The following MED13L variants were observed in gnomAD, a reference collection of about 807,000 sequenced individuals.
The protein encoded by MED13L is mediator complex subunit 13L.
In MED13L, 7 loss-of-function variants were observed where a neutral mutation model predicts 220.9. The ratio of observed to expected loss-of-function variants is 0.03; its 90% CI spans 0.02 to 0.06. MED13L has a LOEUF of 0.06. MED13L is among the 10% of genes least tolerant of loss of function. The pLI is 1.00. For synonymous variants in MED13L, 1,011 were observed against 1,015.2 expected, an observed-to-expected ratio of 1.00 and a Z score of 0.08; for missense variants, 1,965 against 2,760.5, an observed-to-expected ratio of 0.71 and a Z score of 6.46.
intron 4 of MED13L, among the ~76,000 whole-genome samples, chr12:116,030,526 AAAT>A (rs1393979815): frequency 5.3e-5 from 8 of 152,282 alleles, no homozygotes; most frequent in East Asian, 1.9e-4. Context: ...GGAAGGAAGA[AAAT>A]AATAACAAAA....
chr12:116,078,937 T>G (rs1871023662), intron 4 of MED13L, among the ~76,000 whole-genome samples: 1 of 152,192 alleles, frequency 6.6e-6, no homozygotes, highest in African/African-American at 2.4e-5. Context: ...TATTTCAGAA[T>G]GACATCAAGA....
At chr12:116,096,777 C>T in intron 3 of MED13L, 25 bp from the exon 4 acceptor site, 2 of 1,554,110 alleles carry the variant, frequency 1.3e-6, no homozygotes, top group Non-Finnish European at 1.8e-6. Flanking sequence ...TCAAGAATTA[C>T]TTTTATAGTA....
At chr12:115,995,152 C>G (rs920963026) in intron 16 of MED13L, among the ~76,000 whole-genome samples, 5 of 152,142 alleles carry the variant, frequency 3.3e-5, no homozygotes, top group African/African-American at 1.2e-4. Flanking sequence ...TTAAAATTAA[C>G]TTCATCAGGA....
chr12:116,018,618 T>C (rs1268561347), intron 7 of MED13L, among the ~76,000 whole-genome samples: 2 of 152,134 alleles, frequency 1.3e-5, no homozygotes, highest in Admixed American at 6.5e-5. Context: ...TACTACTCAA[T>C]AAAGAAGGCA....
At chr12:115,969,214 C>T in intron 27 of MED13L, 117 bp from the exon 28 acceptor site, 3 of 1,125,826 alleles carry the variant, frequency 2.7e-6, no homozygotes, top group South Asian at 2.7e-5. Flanking sequence ...ATTATGGACA[C>T]ACACTGTTAA....
intron 4 of MED13L, among the ~76,000 whole-genome samples, chr12:116,089,677 G>C (rs1872019238): frequency 6.6e-6 from 1 of 152,068 alleles, no homozygotes; most frequent in Non-Finnish European, 1.5e-5. Flanking sequence ...CAGATGAACT[G>C]TTTTCTCATT....
Position 116,009,094 on chromosome 12 carries a change from C to T in MED13L, c.1319G>A (p.Arg440Gln), listed in dbSNP as rs201172345. ...LLKRCAVGPN[R>Q]PPTVSQPGFS... ...CCCTGGTTGAGATACTGTGGGAGGT[C>T]GATTGGGCCCGACTGCACAACGTTT... The change falls in exon 10 of 31, where the codon CGA becomes CAA. Residue 440 changes from arginine to glutamine, a missense_variant. Arg to Gln is a conservative substitution (Grantham distance 43, BLOSUM62 1). Transcript: ENST00000281928. The T allele has an allele frequency of 2.1e-5, 34 of 1,613,716 alleles. No individual in the cohort carries two copies. The highest frequency in any genetic ancestry group is 2.2e-5 in the South Asian group (2 of 91,064).
intron 14 of MED13L, among the ~76,000 whole-genome samples, chr12:115,999,390 CAAA>C (rs1005449097): frequency 7.2e-6 from 1 of 138,828 alleles, no homozygotes; most frequent in Non-Finnish European, 1.6e-5. Context: ...GACTCTGTCT[CAAA>C]AAAAAAAAAA....
chr12:116,162,725 T>G (rs965890111), intron 2 of MED13L, among the ~76,000 whole-genome samples: 2 of 152,228 alleles, frequency 1.3e-5, no homozygotes, highest in Admixed American at 1.3e-4. Flanking sequence ...GAAAATAATA[T>G]GATCAATCTG....
intron 2 of MED13L, among the ~76,000 whole-genome samples, chr12:116,177,206 TCCCTCATGA>T (rs1351426173): frequency 6.6e-6 from 1 of 152,012 alleles, no homozygotes; most frequent in Non-Finnish European, 1.5e-5. Context: ...CTAAGTCACC[TCCCTCATGA>T]CCCCTCCCCA....
intron 4 of MED13L, among the ~76,000 whole-genome samples, chr12:116,066,799 T>C (rs1189586272): frequency 6.6e-6 from 1 of 151,528 alleles, no homozygotes; most frequent in Non-Finnish European, 1.5e-5. Flanking sequence ...GCATCAACTC[T>C]ACCGGCTACC....
In MED13L at chr12:115,980,742, A is replaced by G. The variant is rs1331324329; in HGVS notation, c.5364+8T>C. On this transcript the variant is annotated splice_region_variant and intron_variant, in intron 23 of 30. Coordinates refer to ENST00000281928, the MANE Select transcript of MED13L (RefSeq NM_015335.5). Reference sequence around the variant, plus strand: ...AATTTTCTAAGTTTCTGTCCTGCCAATACCTACCTCAGGGTTCTTGAGGGT... The same window carrying G: ...AATTTTCTAAGTTTCTGTCCTGCCAGTACCTACCTCAGGGTTCTTGAGGGT... 1 of 1,613,982 alleles carries G rather than the reference A, an allele frequency of 6.2e-7. No individual in the cohort carries two copies. The highest frequency in any genetic ancestry group is 1.3e-5 in the African/African-American group (1 of 75,040).
chr12:116,153,677 G>T (rs922279501), intron 2 of MED13L, among the ~76,000 whole-genome samples: 5 of 152,288 alleles, frequency 3.3e-5, no homozygotes, highest in Non-Finnish European at 5.9e-5. Flanking sequence ...ACACAGACTA[G>T]ACACAAATAT....
At chr12:116,010,150 G>A (rs1879305070) in intron 9 of MED13L, among the ~76,000 whole-genome samples, 1 of 152,142 alleles carries the variant, frequency 6.6e-6, no homozygotes, top group Non-Finnish European at 1.5e-5. Flanking sequence ...AGAGTGGAAG[G>A]AGTGGTCTGT....
chr12:116,197,833 T>C (rs1035145779), intron 2 of MED13L, among the ~76,000 whole-genome samples: 3 of 152,108 alleles, frequency 2.0e-5, no homozygotes, highest in Middle Eastern at 3.4e-3. Flanking sequence ...TCATGAAAAT[T>C]AGAAAGCAAC....
intron 2 of MED13L, among the ~76,000 whole-genome samples, chr12:116,131,997 C>T (rs565244442): frequency 6.6e-6 from 1 of 151,558 alleles, no homozygotes; most frequent in East Asian, 2.0e-4. Flanking sequence ...AAAAGAAAAA[C>T]GCCAGGTGCG....
intron 4 of MED13L, among the ~76,000 whole-genome samples, chr12:116,092,773 TG>T (rs11455956): frequency 2.2e-4 from 33 of 151,274 alleles, no homozygotes; most frequent in African/African-American, 6.6e-4. Flanking sequence ...ATATGTGTGG[TG>T]GGGGGGGTGT....
intron 4 of MED13L, among the ~76,000 whole-genome samples, chr12:116,049,854 A>G (rs1229946952): frequency 6.6e-6 from 1 of 152,226 alleles, no homozygotes; most frequent in Non-Finnish European, 1.5e-5. Context: ...CATAAAATCA[A>G]TTTAATAGAT....
Position 116,213,182 on chromosome 12 carries a change from T to C in MED13L, c.310+24286A>G, listed in dbSNP as rs571259554. 3.8e-3 allele frequency among the ~76,000 whole-genome samples: 549 copies of C among 145,136 alleles called. 7 individuals carry two copies. Among genetic ancestry groups the C allele is most frequent in the African/African-American group, 0.013 (515 of 40,096 alleles). ...AACCAAGGTTTCCTTCTCCACCAAT[T>C]CCCTTTCACAGGGAGGGAGGGAGGG... On this transcript the variant is annotated intron_variant, in intron 2 of 30. Coordinates refer to ENST00000281928, the MANE Select transcript of MED13L (RefSeq NM_015335.5).
Sources: allele counts gnomAD v4.1 joint callset (sites outside exome capture counted in the v4.1 genomes callset), GRCh38; gene constraint gnomAD v4.1.1; transcripts MANE v1.5; gene names NCBI Gene and HGNC (gene_info 2026-07-23, HGNC 2026-07-21).